Variants in ERBB3 observed in about 807,000 individuals in gnomAD.
ERBB3 encodes the protein receptor tyrosine-protein kinase erbB-3.
Under a neutral mutation model 156.7 loss-of-function variants are expected in ERBB3, and 96 were observed. The ratio of observed to expected loss-of-function variants is 0.61; its 90% CI spans 0.52 to 0.73. The LOEUF is 0.73. ERBB3 is among the 30% of genes least tolerant of loss of function. The probability of loss-of-function intolerance (pLI) is 0.00; values close to 1 mark genes in which losing one functional copy is unlikely to be tolerated. For missense variants in ERBB3, 1,406 were observed against 1,709.4 expected (o/e 0.82, Z 3.13); for synonymous variants, 567 against 632.0 (o/e 0.90, Z 1.54).
At chr12:56,095,869 A>AT (rs1868874322) in intron 17 of ERBB3, 63 bp downstream of exon 17, 1 of 1,591,818 alleles carries the variant, frequency 6.3e-7, no homozygotes. Flanking sequence ...AAGTCTCTTT[A>AT]TAGCTTAATT....
intron 15 of ERBB3, 107 bp downstream of exon 15, chr12:56,094,663 CCCAGCTGG>C (rs1868833917): frequency 7.4e-7 from 1 of 1,354,802 alleles, no homozygotes; most frequent in Admixed American, 2.0e-5. Flanking sequence ...AAGAATCACT[CCCAGCTGG>C]CCGGGCGCAG....
intron 9 of ERBB3, among the ~76,000 whole-genome samples, chr12:56,092,085 T>A (rs11835018): frequency 0.078 from 10,802 of 138,066 alleles, 1,423 homozygotes; most frequent in African/African-American, 0.28. Context: ...AGACCCTGTC[T>A]CTTAAAAAAA....
At chr12:56,095,405 G>A in intron 16 of ERBB3, 95 bp downstream of exon 16, 3 of 1,094,766 alleles carry the variant, frequency 2.7e-6, no homozygotes, top group Non-Finnish European at 4.2e-6. Context: ...TCTTCATTCT[G>A]GCCTTTTATG....
Position 56,093,451 on chromosome 12 carries a change from C to A in ERBB3, c.1381C>A (p.Gln461Lys), listed in dbSNP as rs756039555. ...AGRIYISANRQLCYHHSLNWT... is the reference protein window; with the variant it reads ...AGRIYISANRKLCYHHSLNWT... ...GCGTATCTATATAAGTGCCAATAGG[C>A]AGCTCTGCTACCACCACTCTTTGAA... The change falls in exon 12 of 28, where the codon CAG becomes AAG. Residue 461 changes from glutamine (Q) to lysine (K), a missense_variant. Around this residue, in one of 3 missense-constraint regions of ERBB3, gnomAD observed 979 missense variants for 1,219.6 expected, o/e 0.80. Transcript: ENST00000267101. The A allele has an allele frequency of 1.5e-5, 24 of 1,613,924 alleles. No homozygotes were observed. Among genetic ancestry groups the A allele is most frequent in the Non-Finnish European group, 1.9e-5 (23 of 1,179,890 alleles).
At chr12:56,098,391 G>C (rs1395427227) in intron 21 of ERBB3, 109 bp from the exon 22 acceptor site, 17 of 847,490 alleles carry the variant, frequency 2.0e-5, no homozygotes, top group Non-Finnish European at 2.9e-5. Context: ...CAGTCTGGGC[G>C]ACAGAGCGAG....
At chr12:56,087,076 G>T (rs1868509940) in intron 4 of ERBB3, among the ~76,000 whole-genome samples, 1 of 150,592 alleles carries the variant, frequency 6.6e-6, no homozygotes, top group Non-Finnish European at 1.5e-5. Context: ...GGCTGCAGCT[G>T]CAGTGAGCTG....
chr12:56,098,337 A>G (rs1868961750), intron 21 of ERBB3, 163 bp from the exon 22 acceptor site: 7 of 644,696 alleles, frequency 1.1e-5, no homozygotes, highest in South Asian at 1.8e-5. Flanking sequence ...GCGTGAACCC[A>G]GGAGGCGGAG....
In ERBB3 at chr12:56,101,077, G is replaced by A; in HGVS notation, c.3218G>A (p.Gly1073Glu). 1 of 1,613,876 alleles carries A rather than the reference G, an allele frequency of 6.2e-7. No individual in the cohort carries two copies. Among genetic ancestry groups the A allele is most frequent in the Non-Finnish European group, 8.5e-7 (1 of 1,179,992 alleles). The change falls in exon 27 of 28, where the codon GGG becomes GAG. Residue 1073 changes from glycine (G) to glutamate (E), a missense_variant. Around this residue, in one of 3 missense-constraint regions of ERBB3, gnomAD observed 415 missense variants for 454.1 expected, o/e 0.91. Transcript: ENST00000267101. ...CTTCCTTAGGAGTCTGCAGTTTCTG[G>A]GAGCAGTGAACGGTGCCCCCGTCCA... Reference protein sequence around the residue: ...GESCQESAVSGSSERCPRPVS... With the variant: ...GESCQESAVSESSERCPRPVS...
chr12:56,093,956 C>T, intron 13 of ERBB3, 60 bp downstream of exon 13: 5 of 1,605,272 alleles, frequency 3.1e-6, no homozygotes, highest in Non-Finnish European at 4.3e-6. Flanking sequence ...TGGAACTGTT[C>T]AGGTGGCATA....
chr12:56,088,338 C>G lies in ERBB3; in HGVS notation c.874+176C>G, dbSNP rs527931493. ...ACGTCCAGTCCTCCCATGACTTCAG[C>G]TATCACCCTTACTTCTGCTCCTTGT... On this transcript the variant is annotated intron_variant, in intron 7 of 27. Transcript: ENST00000267101. Among the ~76,000 whole-genome samples, 14 of 152,334 alleles carry G rather than the reference C, an allele frequency of 9.2e-5. 1 individual carries two copies. In the South Asian group the frequency reaches 2.7e-3, roughly 29 times the overall value.
At position 56,083,644 on chromosome 12, in the gene ERBB3, T is replaced by G. The variant is rs541704461; in HGVS notation, c.83-107T>G. The stretch of plus-strand genomic sequence containing the variant: ...TGGAGGCAAATGCCATCTGATCCTG[T>G]CTAATGTAACTGGAAGAGGGCAACC... On this transcript the variant is annotated intron_variant, in intron 1 of 27. Transcript: ENST00000267101. The G allele has an allele frequency of 8.7e-6, 11 of 1,266,808 alleles. No individual in the cohort carries two copies. In the African/African-American group the frequency reaches 8.8e-5, roughly 10 times the overall value. The allele number at this position is 1,266,808 out of a possible 1,614,324, so 78.5% of individuals were successfully genotyped here. A position where few individuals can be genotyped will look rare whatever the true frequency, so the allele number is the denominator to read the frequency against.
In ERBB3 at chr12:56,102,469, G is replaced by A. The variant is rs925833014; in HGVS notation, c.*414G>A. Reference sequence around the variant, plus strand: ...AAGGGAGGAAACCTAGCAGAGGAAAGTGTAATTTTGGTTTATGACTCTTAA... The same window carrying A: ...AAGGGAGGAAACCTAGCAGAGGAAAATGTAATTTTGGTTTATGACTCTTAA... On this transcript the variant is annotated 3_prime_UTR_variant, in exon 28 of 28. Coordinates refer to ENST00000267101, the MANE Select transcript of ERBB3 (RefSeq NM_001982.4). 3.2e-4 allele frequency: 82 copies of A among 255,964 alleles called. No homozygotes were observed. In the East Asian group the frequency reaches 4.6e-3, roughly 14 times the overall value. The allele number at this position is 255,964 out of a possible 1,614,324, so 15.9% of individuals were successfully genotyped here. A position where few individuals can be genotyped will look rare whatever the true frequency, so the allele number is the denominator to read the frequency against.
chr12:56,087,725 G>A (rs1322056474), intron 5 of ERBB3, 70 bp from the exon 6 acceptor site: 9 of 1,585,842 alleles, frequency 5.7e-6, no homozygotes, highest in Non-Finnish European at 6.9e-6. Context: ...CACTGTGGGG[G>A]AGGCATGAGC....
At chr12:56,092,688 G>A (rs1269726191) in intron 9 of ERBB3, 59 bp from the exon 10 acceptor site, 4 of 1,158,996 alleles carry the variant, frequency 3.5e-6, no homozygotes, top group Non-Finnish European at 2.6e-6. Flanking sequence ...GGCTGGGTGT[G>A]CTCATTGCCA....
In ERBB3 at chr12:56,103,218, AG is replaced by A; in HGVS notation, c.*1165del. On this transcript the variant is annotated 3_prime_UTR_variant, in exon 28 of 28. Coordinates refer to ENST00000267101, the MANE Select transcript of ERBB3 (RefSeq NM_001982.4). The stretch of plus-strand genomic sequence containing the variant: ...GGAAGTGGTGGTGGGGGTAGTCAGA[AG>A]GAAAAATAACTGGACATCTTTGTGT... 1 of 229,572 alleles carries A rather than the reference AG, an allele frequency of 4.4e-6. No homozygotes were observed. The highest frequency in any genetic ancestry group is 1.3e-3 in the Middle Eastern group (1 of 770). The allele number at this position is 229,572 out of a possible 1,614,324, so 14.2% of individuals were successfully genotyped here.
intron 14 of ERBB3, 47 bp downstream of exon 14, chr12:56,094,236 A>G (rs1410891573): frequency 1.3e-6 from 2 of 1,520,802 alleles, no homozygotes; most frequent in Non-Finnish European, 1.8e-6. Flanking sequence ...AGAAGGGGCA[A>G]TACTTGGAGC....
At chr12:56,090,221 A>T (rs1038368513) in intron 9 of ERBB3, among the ~76,000 whole-genome samples, 1 of 151,728 alleles carries the variant, frequency 6.6e-6, no homozygotes, top group African/African-American at 2.4e-5. Context: ...GCTGGTCTCG[A>T]ACTCCTGACC....
At chr12:56,086,466 T>TAA in intron 3 of ERBB3, 65 bp from the exon 4 acceptor site, 1 of 1,606,276 alleles carries the variant, frequency 6.2e-7, no homozygotes, top group Non-Finnish European at 8.5e-7. Flanking sequence ...TTTGGATGGG[T>TAA]GGAGAGGTAA....
At chr12:56,100,953 A>G in intron 26 of ERBB3, 108 bp from the exon 27 acceptor site, 1 of 795,582 alleles carries the variant, frequency 1.3e-6, no homozygotes, top group South Asian at 1.8e-5. Flanking sequence ...AAAAAAAAAA[A>G]AAAAAAAAAA....
Sources: gnomAD v4.1 joint callset for allele counts (sites outside exome capture counted in the v4.1 genomes callset) on GRCh38, gnomAD v4.1.1 for gene constraint, gnomAD v4.1.1 regional missense constraint, MANE v1.5 for transcripts, NCBI Gene and HGNC (gene_info 2026-07-23, HGNC 2026-07-21) for gene names.